The following RARB variants were observed in gnomAD, a reference collection of about 807,000 sequenced individuals.
The protein encoded by RARB is retinoic acid receptor beta.
Under a neutral mutation model 51.9 loss-of-function variants are expected in RARB, and 17 were observed. The ratio of observed to expected loss-of-function variants is 0.33; its 90% CI spans 0.22 to 0.49. The LOEUF is 0.49. RARB is among the 20% of genes least tolerant of loss of function. RARB has a pLI of 0.99. For missense variants in RARB, 369 were observed against 550.8 expected, an observed-to-expected ratio of 0.67 and a Z score of 3.30; for synonymous variants, 215 against 195.4, an observed-to-expected ratio of 1.10 and a Z score of -0.84.
In RARB at chr3:25,569,779, A is replaced by C; in HGVS notation, c.470A>C (p.Lys157Thr). The change falls in exon 4 of 8, where the codon AAG becomes ACG. Residue 157 changes from lysine (K) to threonine (T), a missense_variant. By Grantham distance (78) the Lys-to-Thr change is moderately conservative. Transcript: ENST00000330688. ...SKESVRNDRN[K>T]KKKETSKQEC... is the part of the protein sequence containing the mutation. ...CCAGCTGTCAGGAATGACAGGAACA[A>C]GAAAAAGAAGGAGACTTCGAAGCAA... 1 of 1,614,116 alleles carries C rather than the reference A, an allele frequency of 6.2e-7. No individual in the cohort carries two copies. The highest frequency in any genetic ancestry group is 2.2e-5 in the East Asian group (1 of 44,886).
At chr3:25,378,569 A>G (rs1014459063) in intron 5 of RARB, among the ~76,000 whole-genome samples, 5 of 152,198 alleles carry the variant, frequency 3.3e-5, no homozygotes, top group South Asian at 2.1e-4. Context: ...AGAAACCTAC[A>G]TTCCTCTGTA....
chr3:24,845,880 T>C (rs184206970), intron 1 of RARB, among the ~76,000 whole-genome samples: 327 of 152,334 alleles, frequency 2.1e-3, no homozygotes, highest in African/African-American at 7.5e-3. Context: ...AATGAATTAT[T>C]TGGGGTGATT....
intron 5 of RARB, among the ~76,000 whole-genome samples, chr3:25,180,640 T>A (rs1322611640): frequency 6.6e-6 from 1 of 152,234 alleles, no homozygotes; most frequent in South Asian, 2.1e-4. Context: ...TGGTGACTTA[T>A]GCCTTGTCAC....
chr3:25,553,392 C>A (rs1699924969), intron 3 of RARB, among the ~76,000 whole-genome samples: 2 of 152,298 alleles, frequency 1.3e-5, no homozygotes, highest in South Asian at 4.1e-4. Flanking sequence ...AGCCCATCCT[C>A]TTCATCTCTG....
Position 25,154,148 on chromosome 3 carries a change from T to G in RARB, c.-279-19971T>G, listed in dbSNP as rs1700337699. On this transcript the variant is annotated intron_variant, in intron 4 of 11. Transcript: ENST00000383772. Reference sequence around the variant, plus strand: ...TACACAATTAAAGATATCTTATTGATTTTTCCTTTTATTCTATATGATTTG... The same window carrying G: ...TACACAATTAAAGATATCTTATTGAGTTTTCCTTTTATTCTATATGATTTG... 2.0e-5 allele frequency among the ~76,000 whole-genome samples: 3 copies of G among 152,218 alleles called. No homozygotes were observed. The South Asian group carries it at 6.2e-4, about 32-fold the overall frequency.
intron 5 of RARB, among the ~76,000 whole-genome samples, chr3:25,285,800 AGAT>A (rs1204602363): frequency 6.6e-6 from 1 of 152,190 alleles, no homozygotes; most frequent in Non-Finnish European, 1.5e-5. Context: ...GGAAGAAAGA[AGAT>A]TATGTACAAT....
chr3:25,364,769 A>G (rs4681051), intron 5 of RARB, among the ~76,000 whole-genome samples: 125,930 of 152,110 alleles, frequency 0.83, 52,379 homozygotes, highest in East Asian at 0.99. Flanking sequence ...GCAATTCAAT[A>G]TATAACTTTG....
At chr3:25,205,080 G>C (rs933636686) in intron 5 of RARB, among the ~76,000 whole-genome samples, 1 of 152,128 alleles carries the variant, frequency 6.6e-6, no homozygotes, top group African/African-American at 2.4e-5. Flanking sequence ...TACCCGGTTC[G>C]AGCTTCCTGG....
Position 24,989,067 on chromosome 3 carries a change from C to T in RARB, c.-379-71058C>T, listed in dbSNP as rs552391277. On this transcript the variant is annotated intron_variant, in intron 2 of 11. Transcript: ENST00000383772. ...TCTTGAACTCCTGACCTTTGGTAAT[C>T]TGCCTGTCTCGGCCTCCCAAAGTGC... Among the ~76,000 whole-genome samples the T allele has an allele frequency of 1.1e-4, 17 of 152,244 alleles. No homozygotes were observed. The South Asian group carries it at 3.3e-3, about 30-fold the overall frequency.
intron 2 of RARB, among the ~76,000 whole-genome samples, chr3:25,497,336 C>T (rs922018339): frequency 6.6e-6 from 1 of 152,184 alleles, no homozygotes; most frequent in Non-Finnish European, 1.5e-5. Flanking sequence ...ATGATGGTGT[C>T]CTTTAAGCCA....
At chr3:25,562,421 GCT>G in intron 3 of RARB, among the ~76,000 whole-genome samples, 1 of 152,106 alleles carries the variant, frequency 6.6e-6, no homozygotes, top group Admixed American at 6.5e-5. Context: ...ATATTGGGTA[GCT>G]CTGTCACAAA....
At chr3:25,091,283 C>T (rs547551546) in intron 3 of RARB, among the ~76,000 whole-genome samples, 10 of 152,270 alleles carry the variant, frequency 6.6e-5, no homozygotes, top group African/African-American at 2.4e-4. Context: ...TTCGAAGATA[C>T]ACATCTCTTT....
intron 3 of RARB, among the ~76,000 whole-genome samples, chr3:25,122,443 T>G (rs1243865691): frequency 6.6e-6 from 1 of 151,974 alleles, no homozygotes; most frequent in African/African-American, 2.4e-5. Flanking sequence ...GTGGAAAGAT[T>G]ATTGAAACTT....
chr3:25,508,988 A>G (rs1166914443), intron 3 of RARB, among the ~76,000 whole-genome samples: 3 of 152,134 alleles, frequency 2.0e-5, no homozygotes, highest in African/African-American at 7.2e-5. Flanking sequence ...ACTGAAAAGG[A>G]AGTATTAAAA....
chr3:25,145,117 T>G (rs544695376), intron 4 of RARB, among the ~76,000 whole-genome samples: 64 of 152,294 alleles, frequency 4.2e-4, no homozygotes, highest in Non-Finnish European at 7.1e-4. Flanking sequence ...ATCTAATTTA[T>G]GTTTCAGTTG....
At chr3:25,426,757 G>T (rs1432181729), upstream of RARB, among the ~76,000 whole-genome samples, 1 of 152,208 alleles carries the variant, frequency 6.6e-6, no homozygotes, top group Admixed American at 6.5e-5. Context: ...TTTATTTGAT[G>T]TATGTTGCAT....
At chr3:25,578,482 T>C (rs1575536463) in intron 4 of RARB, among the ~76,000 whole-genome samples, 1 of 152,258 alleles carries the variant, frequency 6.6e-6, no homozygotes, top group Non-Finnish European at 1.5e-5. Context: ...AATGTCTTTT[T>C]TTCCAGATGG....
chr3:25,348,489 A>G (rs1161734915), intron 5 of RARB, among the ~76,000 whole-genome samples: 1 of 151,930 alleles, frequency 6.6e-6, no homozygotes, highest in Non-Finnish European at 1.5e-5. Context: ...CATTTGAGAC[A>G]GGTTAGTGAA....
intron 1 of RARB, among the ~76,000 whole-genome samples, chr3:24,845,204 A>G (rs1436445762): frequency 1.3e-5 from 2 of 152,206 alleles, no homozygotes; most frequent in Admixed American, 6.5e-5. Context: ...CATAAAGCAG[A>G]TTTGTAGATA....
Sources: gnomAD v4.1 joint callset for allele counts (sites outside exome capture counted in the v4.1 genomes callset) on GRCh38, gnomAD v4.1.1 for gene constraint, MANE v1.5 for transcripts, NCBI Gene and HGNC (gene_info 2026-07-23, HGNC 2026-07-21) for gene names.